FAM81A: variants seen among roughly 807,000 people sequenced by gnomAD.
FAM81A encodes the protein family with sequence similarity 81 member A, also known as protein FAM81A.
In FAM81A, 19 loss-of-function variants were observed where a neutral mutation model predicts 46.7. The observed-to-expected ratio is 0.41, with a 90% confidence interval of 0.28 to 0.60. FAM81A has a LOEUF of 0.60. Ranked by LOEUF, FAM81A falls within the 20% of genes least tolerant of loss-of-function variation. The pLI is 0.34. For missense variants in FAM81A, 377 were observed against 453.5 expected (o/e 0.83, Z 1.53); for synonymous variants, 183 against 152.9 (o/e 1.20, Z -1.45).
chr15:59,421,363 T>C (rs1422239946), intron 2 of FAM81A, among the ~76,000 whole-genome samples: 4 of 152,204 alleles, frequency 2.6e-5, no homozygotes, highest in African/African-American at 9.7e-5. Context: ...ATGATGGCTC[T>C]GCTTTAAAGG....
chr15:59,512,117 C>T (rs987727199), intron 6 of FAM81A, among the ~76,000 whole-genome samples: 2 of 152,084 alleles, frequency 1.3e-5, no homozygotes, highest in Non-Finnish European at 2.9e-5. Context: ...ATCTCACAGA[C>T]ATATGTTGAG....
chr15:59,426,552 C>T (rs967215539), intron 2 of FAM81A, among the ~76,000 whole-genome samples: 1 of 152,206 alleles, frequency 6.6e-6, no homozygotes, highest in Non-Finnish European at 1.5e-5. Context: ...GCAGAGGTTG[C>T]GGTGAACCGA....
At chr15:59,453,813 G>A (rs771615374) in intron 1 of FAM81A, among the ~76,000 whole-genome samples, 16 of 152,072 alleles carry the variant, frequency 1.1e-4, no homozygotes, top group Non-Finnish European at 8.8e-5. Flanking sequence ...AGGGAGGCAA[G>A]AGGAGAGAGA....
chr15:59,425,652 A>C (rs1223965405), intron 2 of FAM81A, among the ~76,000 whole-genome samples: 1 of 152,162 alleles, frequency 6.6e-6, no homozygotes, highest in Non-Finnish European at 1.5e-5. Flanking sequence ...TTGAGACAGG[A>C]TCTCACTCTG....
rs927502887 is a variant in FAM81A at position 59,492,324 on chromosome 15, T to C, written c.348T>C (p.Ser116=). The C allele has an allele frequency of 1.2e-6, 2 of 1,613,784 alleles. No individual in the cohort carries two copies. Among genetic ancestry groups the C allele is most frequent in the Middle Eastern group, 1.6e-4 (1 of 6,084 alleles). Residue 116 remains serine (S), a synonymous_variant, in exon 4 of 9, where the codon TCT becomes TCC. Transcript: ENST00000288228. ...ACAACATTAGCTATGGAACTAATTC[T>C]GCCTTAAAGACCCTGGAGATGCGCC... ...ARDNISYGTN[S]ALKTLEMRQL...
chr15:59,444,659 C>T (rs1490418424), intron 1 of FAM81A, among the ~76,000 whole-genome samples: 5 of 152,122 alleles, frequency 3.3e-5, no homozygotes, highest in Non-Finnish European at 5.9e-5. Context: ...ACTGCCTCCC[C>T]ACTCTACTCA....
At chr15:59,500,405 C>G (rs2082079131) in intron 4 of FAM81A, among the ~76,000 whole-genome samples, 1 of 152,078 alleles carries the variant, frequency 6.6e-6, no homozygotes, top group Non-Finnish European at 1.5e-5. Context: ...TCAAGCGACC[C>G]CCCAACTTTA....
At chr15:59,477,846 T>C (rs1191872374) in intron 3 of FAM81A, among the ~76,000 whole-genome samples, 3 of 152,228 alleles carry the variant, frequency 2.0e-5, no homozygotes, top group Non-Finnish European at 4.4e-5. Flanking sequence ...TTTATTGTTT[T>C]AATACATCTC....
At chr15:59,439,521 G>A (rs1362994420) in intron 1 of FAM81A, among the ~76,000 whole-genome samples, 1 of 152,078 alleles carries the variant, frequency 6.6e-6, no homozygotes, top group Non-Finnish European at 1.5e-5. Context: ...CTTCCACGGA[G>A]GGGAATGGAG....
intron 3 of FAM81A, among the ~76,000 whole-genome samples, chr15:59,461,993 G>C (rs1412939429): frequency 1.3e-5 from 2 of 152,096 alleles, no homozygotes; most frequent in South Asian, 4.1e-4. Flanking sequence ...CACAAGGTCA[G>C]GAGATTGAGA....
At chr15:59,432,491 G>A (rs1411726672) in intron 2 of FAM81A, among the ~76,000 whole-genome samples, 1 of 152,156 alleles carries the variant, frequency 6.6e-6, no homozygotes, top group Admixed American at 6.6e-5. Context: ...AAGTTTGTAA[G>A]GCATTTTTCC....
At chr15:59,443,535 G>T (rs137892876) in intron 1 of FAM81A, among the ~76,000 whole-genome samples, 2 of 152,188 alleles carry the variant, frequency 1.3e-5, no homozygotes, top group African/African-American at 4.8e-5. Flanking sequence ...AAGGGTGCAG[G>T]TCAGTTATGT....
chr15:59,415,390 T>A (rs952293331), intron 2 of FAM81A, among the ~76,000 whole-genome samples: 46 of 152,160 alleles, frequency 3.0e-4, no homozygotes, highest in African/African-American at 1.1e-3. Flanking sequence ...AATGCTGGGA[T>A]TACAGGCGTG....
chr15:59,498,613 A>T (rs1279947953), intron 4 of FAM81A, among the ~76,000 whole-genome samples: 2 of 152,186 alleles, frequency 1.3e-5, no homozygotes, highest in African/African-American at 4.8e-5. Context: ...TTTAGGAGAA[A>T]GCATCCATAC....
chr15:59,521,427 G>A lies in FAM81A; in HGVS notation c.*49G>A, dbSNP rs1224076873. The A allele has an allele frequency of 3.6e-5, 55 of 1,548,410 alleles. No homozygotes were observed. The highest frequency in any genetic ancestry group is 5.5e-5 in the African/African-American group (4 of 73,018). Reference sequence around the variant, plus strand: ...AAGACAGTTTTGCCAGTGGGGCTAGGAGCCGGATACCTCTGTAGCCAGGCC... The same window carrying A: ...AAGACAGTTTTGCCAGTGGGGCTAGAAGCCGGATACCTCTGTAGCCAGGCC... On this transcript the variant is annotated 3_prime_UTR_variant, in exon 9 of 9. Coordinates refer to ENST00000288228, the MANE Select transcript of FAM81A (RefSeq NM_152450.3).
At chr15:59,436,974 A>G (rs1458947302), upstream of FAM81A, among the ~76,000 whole-genome samples, 2 of 152,206 alleles carry the variant, frequency 1.3e-5, no homozygotes, top group Admixed American at 1.3e-4. Flanking sequence ...CTCAGGGCTA[A>G]GCATAGTTTC....
At chr15:59,401,918 A>AATTT in intron 1 of FAM81A, 3 of 759,016 alleles carry the variant, frequency 4.0e-6, no homozygotes, top group Non-Finnish European at 7.3e-6. Flanking sequence ...GAGCCTCTCG[A>AATTT]CTTTCTTTCT....
rs776381150 is a variant in FAM81A, at chr15:59,459,939, G to A, written c.27G>A (p.Val9=). The change falls in exon 3 of 9, where the codon GTG becomes GTA. Residue 9 remains valine (V), a synonymous_variant. Transcript: ENST00000288228. MENMHLRR[V]RTMPRHSQSL... ...TCATGGTTCCCTTCTGCAGGCGAGT[G>A]AGAACCATGCCCCGACACAGCCAGT... is the stretch of plus-strand genomic sequence containing the variant. The A allele has an allele frequency of 1.3e-6, 2 of 1,599,812 alleles. No individual in the cohort carries two copies. The highest frequency in any genetic ancestry group is 1.7e-5 in the Admixed American group (1 of 57,864).
chr15:59,417,298 C>T (rs1303418354), intron 2 of FAM81A, among the ~76,000 whole-genome samples: 2 of 152,032 alleles, frequency 1.3e-5, no homozygotes, highest in Admixed American at 6.6e-5. Flanking sequence ...GTCGCCTCCC[C>T]TTTTATATTT....
Sources: gnomAD v4.1 joint callset for allele counts (sites outside exome capture counted in the v4.1 genomes callset) on GRCh38, gnomAD v4.1.1 for gene constraint, MANE v1.5 for transcripts, NCBI Gene and HGNC (gene_info 2026-07-23, HGNC 2026-07-21) for gene names.